The following ACOX2 variants were observed in gnomAD, a reference collection of about 807,000 sequenced individuals.
ACOX2 encodes peroxisomal acyl-coenzyme A oxidase 2.
ACOX2 carries 59 observed loss-of-function variants against 77.5 expected under a neutral mutation model. The ratio of observed to expected loss-of-function variants is 0.76; its 90% CI spans 0.62 to 0.95. ACOX2 has a LOEUF of 0.95. ACOX2 is among the 40% of genes least tolerant of loss of function. ACOX2 has a pLI of 0.00. For synonymous variants in ACOX2, 317 were observed against 340.1 expected (o/e 0.93, Z 0.75); for missense variants, 837 against 880.4 (o/e 0.95, Z 0.62).
intron 12 of ACOX2, among the ~76,000 whole-genome samples, chr3:58,520,170 T>A (rs183367920): frequency 4.6e-5 from 7 of 152,370 alleles, no homozygotes; most frequent in Admixed American, 3.3e-4. Flanking sequence ...AAGTTTTACT[T>A]ATTTAATCTT....
chr3:58,531,602 C>T lies in ACOX2; in HGVS notation c.703+91G>A. The T allele has an allele frequency of 6.5e-7, 1 of 1,541,392 alleles. No individual in the cohort carries two copies. The highest frequency in any genetic ancestry group is 8.8e-7 in the Non-Finnish European group (1 of 1,140,766). ...CCTGCCCAAGGGAGACATGTCTTAG[C>T]TACTCCTGTGGCCCTCTGGGGCCCC... On this transcript the variant is annotated intron_variant, in intron 6 of 14. Transcript: ENST00000302819. This position sits in a 1 kb window ranked among gnomAD's most constrained non-coding sequence, Gnocchi z 5.8.
chr3:58,507,236 C>T (rs535258108), intron 14 of ACOX2, among the ~76,000 whole-genome samples: 22 of 152,250 alleles, frequency 1.4e-4, no homozygotes, highest in Middle Eastern at 3.4e-3. Flanking sequence ...ATTCCATAGA[C>T]GTGGAGTGTC....
intron 13 of ACOX2, among the ~76,000 whole-genome samples, 174 bp downstream of exon 13, chr3:58,517,032 T>G (rs531480672): frequency 5.3e-5 from 8 of 152,346 alleles, no homozygotes; most frequent in Admixed American, 5.2e-4. Flanking sequence ...TCCCATTTTT[T>G]TCTTTCATTA....
chr3:58,536,467 T>A (rs1045621851), intron 1 of ACOX2, among the ~76,000 whole-genome samples: 5 of 152,148 alleles, frequency 3.3e-5, no homozygotes, highest in African/African-American at 1.2e-4. Flanking sequence ...TGCAACCACA[T>A]GTAGCAAATG....
chr3:58,517,309 C>G lies in ACOX2; in HGVS notation c.1747G>C (p.Gly583Arg). The change falls in exon 13 of 15, where the codon GGA becomes CGA. Residue 583 changes from glycine (G) to arginine (R), a missense_variant. Coordinates refer to ENST00000302819, the MANE Select transcript of ACOX2 (RefSeq NM_003500.4). ...KRLCDLHAIH[G>R]ILTNSGDFLH... ...AAGTCACCCGAGTTAGTCAAGATTC[C>G]ATGTATGGCATGGAGGTCACAGAGG... 1 of 1,614,158 alleles carries G rather than the reference C, an allele frequency of 6.2e-7. No individual in the cohort carries two copies. Among genetic ancestry groups the G allele is most frequent in the Non-Finnish European group, 8.5e-7 (1 of 1,180,032 alleles).
At position 58,505,798 on chromosome 3, in the gene ACOX2, C is replaced by T. The variant is rs891133395; in HGVS notation, c.1984-512G>A. Among the ~76,000 whole-genome samples, 2 of 136,524 alleles carry T rather than the reference C, an allele frequency of 1.5e-5. No homozygotes were observed. The highest frequency in any genetic ancestry group is 4.9e-5 in the African/African-American group (2 of 41,000). The allele number at this position is 136,524 out of a possible 152,430, so 89.6% of individuals were successfully genotyped here. A position where few individuals can be genotyped will look rare whatever the true frequency, so the allele number is the denominator to read the frequency against. ...AGCTCCTCGAACACTGGGCTTTTGA[C>T]TGTTTTTTTTTGGAGACAGTATTGC... On this transcript the variant is annotated intron_variant, in intron 14 of 14. Coordinates refer to ENST00000302819, the MANE Select transcript of ACOX2 (RefSeq NM_003500.4). The surrounding 1 kb of genome is among the most constrained non-coding windows in gnomAD (Gnocchi z 4.4).
In ACOX2 at chr3:58,531,160, T is replaced by C; in HGVS notation, c.819+91A>G. ...GGGGAGGAGGTTATGTGGCCCAAAC[T>C]AAGCTCTATGGAGGACCCAGGCCCA... is the stretch of plus-strand genomic sequence containing the variant. On this transcript the variant is annotated intron_variant, in intron 7 of 14. Transcript: ENST00000302819. This position sits in a 1 kb window ranked among gnomAD's most constrained non-coding sequence, Gnocchi z 5.8. 3 of 1,178,300 alleles carry C rather than the reference T, an allele frequency of 2.5e-6. No homozygotes were observed. Among genetic ancestry groups the C allele is most frequent in the Non-Finnish European group, 3.6e-6 (3 of 827,226 alleles). The allele number at this position is 1,178,300 out of a possible 1,614,324, so 73.0% of individuals were successfully genotyped here.
In ACOX2 at chr3:58,510,967, G is replaced by C. The variant is rs1393942634; in HGVS notation, c.1851-1942C>G. 1.3e-5 allele frequency: 6 copies of C among 456,144 alleles called. No homozygotes were observed. The East Asian group carries it at 4.2e-4, about 32-fold the overall frequency. The allele number at this position is 456,144 out of a possible 1,614,324, so 28.3% of individuals were successfully genotyped here. A position where few individuals can be genotyped will look rare whatever the true frequency, so the allele number is the denominator to read the frequency against. ...ATTTACTGTTTCTTTTTCTTAGGCAGTTATTTCTTACCATCTCTTTGATCC... is the reference window on the plus strand; with the variant it reads ...ATTTACTGTTTCTTTTTCTTAGGCACTTATTTCTTACCATCTCTTTGATCC... On this transcript the variant is annotated intron_variant, in intron 13 of 14. Coordinates refer to ENST00000302819, the MANE Select transcript of ACOX2 (RefSeq NM_003500.4).
At position 58,514,949 on chromosome 3, in the gene ACOX2, T is replaced by G. The variant is rs1346804579; in HGVS notation, c.1850+2257A>C. On this transcript the variant is annotated intron_variant, in intron 13 of 14. Coordinates refer to ENST00000302819, the MANE Select transcript of ACOX2 (RefSeq NM_003500.4). The surrounding 1 kb of genome is among the most constrained non-coding windows in gnomAD (Gnocchi z 4.3). Reference sequence around the variant, plus strand: ...GTTTTCACCACTGGATTCCCTGTATTAGGGAAAGTTTTATACCTGGGACAT... The same window carrying G: ...GTTTTCACCACTGGATTCCCTGTATGAGGGAAAGTTTTATACCTGGGACAT... 6.6e-6 allele frequency among the ~76,000 whole-genome samples: 1 copy of G among 152,220 alleles called. No individual in the cohort carries two copies. The highest frequency in any genetic ancestry group is 2.4e-5 in the African/African-American group (1 of 41,448).
At chr3:58,527,621 A>T (rs1051624385) in intron 9 of ACOX2, among the ~76,000 whole-genome samples, 3 of 151,852 alleles carry the variant, frequency 2.0e-5, no homozygotes, top group African/African-American at 7.3e-5. Context: ...CCCTCACCTG[A>T]CACCAAATGC....
At position 58,533,845 on chromosome 3, in the gene ACOX2, A is replaced by G; in HGVS notation, c.475+149T>C. On this transcript the variant is annotated intron_variant, in intron 4 of 14. Transcript: ENST00000302819. The surrounding 1 kb of genome is among the most constrained non-coding windows in gnomAD (Gnocchi z 5.6). ...AATTAGAAGGTGGCACCCCTTCCTC[A>G]GGACCCTTGACTGCCAGCTGCTGGA... 9.3e-7 allele frequency: 1 copy of G among 1,071,080 alleles called. No homozygotes were observed. The highest frequency in any genetic ancestry group is 1.6e-5 in the South Asian group (1 of 61,260). 66.3% of individuals were successfully genotyped at this position (1,071,080 alleles called of 1,614,324 possible). A position where few individuals can be genotyped will look rare whatever the true frequency, so the allele number is the denominator to read the frequency against.
intron 8 of ACOX2, chr3:58,529,192 G>T: frequency 2.7e-6 from 1 of 372,548 alleles, no homozygotes; most frequent in Non-Finnish European, 4.7e-6. Context: ...GTTAAGGGAG[G>T]CTTATAGAAT....
At position 58,517,358 on chromosome 3, in the gene ACOX2, T is replaced by C; in HGVS notation, c.1698A>G (p.Pro566=). The change falls in exon 13 of 15, where the codon CCA becomes CCG. Residue 566 remains proline, a synonymous_variant. Coordinates refer to ENST00000302819, the MANE Select transcript of ACOX2 (RefSeq NM_003500.4). The stretch of plus-strand genomic sequence containing the variant: ...GGCGCTTGAGCACCTGCTGAATCGC[T>C]GGTTCATTTTCTAGTTTCTCCAGAG... The part of the protein sequence containing the change: ...TEALEKLENE[P]AIQQVLKRLC... The C allele has an allele frequency of 6.2e-7, 1 of 1,614,144 alleles. No homozygotes were observed. The highest frequency in any genetic ancestry group is 1.1e-5 in the South Asian group (1 of 91,086).
intron 12 of ACOX2, among the ~76,000 whole-genome samples, chr3:58,517,850 G>GCAGCCA (rs1314774201): frequency 2.6e-5 from 4 of 152,010 alleles, no homozygotes; most frequent in Non-Finnish European, 4.4e-5. Context: ...CAAGGTGGGT[G>GCAGCCA]GATCACCTGA....
Position 58,533,848 on chromosome 3 carries a change from A to T in ACOX2, c.475+146T>A. 1 of 1,098,248 alleles carries T rather than the reference A, an allele frequency of 9.1e-7. No homozygotes were observed. Among genetic ancestry groups the T allele is most frequent in the Non-Finnish European group, 1.3e-6 (1 of 779,104 alleles). The allele number at this position is 1,098,248 out of a possible 1,614,324, so 68.0% of individuals were successfully genotyped here. A position where few individuals can be genotyped will look rare whatever the true frequency, so the allele number is the denominator to read the frequency against. On this transcript the variant is annotated intron_variant, in intron 4 of 14. Transcript: ENST00000302819. The surrounding 1 kb of genome is among the most constrained non-coding windows in gnomAD (Gnocchi z 5.6). ...TAGAAGGTGGCACCCCTTCCTCAGG[A>T]CCCTTGACTGCCAGCTGCTGGAATG...
At chr3:58,517,084 G>T in intron 13 of ACOX2, 122 bp downstream of exon 13, 4 of 954,910 alleles carry the variant, frequency 4.2e-6, no homozygotes, top group Non-Finnish European at 6.4e-6. Flanking sequence ...ATAGGGTGTA[G>T]ACCTCTCCAG....
In ACOX2 at chr3:58,526,990, C is replaced by G. The variant is rs2063400220; in HGVS notation, c.1156-334G>C. Among the ~76,000 whole-genome samples the G allele has an allele frequency of 6.6e-6, 1 of 152,112 alleles. No individual in the cohort carries two copies. The highest frequency in any genetic ancestry group is 2.4e-5 in the African/African-American group (1 of 41,418). ...TTTTGCTGGCCTGGGTTTTAGAAAG[C>G]TAGCTTATGAGGATGGGTGTCCACT... On this transcript the variant is annotated intron_variant, in intron 9 of 14. Coordinates refer to ENST00000302819, the MANE Select transcript of ACOX2 (RefSeq NM_003500.4). The surrounding 1 kb of genome is among the most constrained non-coding windows in gnomAD (Gnocchi z 4.3).
At chr3:58,507,340 A>C (rs1234606084) in intron 14 of ACOX2, among the ~76,000 whole-genome samples, 1 of 152,262 alleles carries the variant, frequency 6.6e-6, no homozygotes, top group Non-Finnish European at 1.5e-5. Flanking sequence ...GATGAAGTGC[A>C]TCAATGTTTT....
At position 58,531,467 on chromosome 3, in the gene ACOX2, G is replaced by A. The variant is rs2063439055; in HGVS notation, c.704-101C>T. 11 of 1,269,334 alleles carry A rather than the reference G, an allele frequency of 8.7e-6. No homozygotes were observed. The highest frequency in any genetic ancestry group is 1.2e-5 in the Non-Finnish European group (11 of 902,214). 78.6% of individuals were successfully genotyped at this position (1,269,334 alleles called of 1,614,324 possible). On this transcript the variant is annotated intron_variant, in intron 6 of 14. Coordinates refer to ENST00000302819, the MANE Select transcript of ACOX2 (RefSeq NM_003500.4). The surrounding 1 kb of genome is among the most constrained non-coding windows in gnomAD (Gnocchi z 5.8). ...CCAGGTCACAGCAGCCTGTGACACTGGGATTATTGTACCTATTTTGCAGGT... is the reference window on the plus strand; with the variant it reads ...CCAGGTCACAGCAGCCTGTGACACTAGGATTATTGTACCTATTTTGCAGGT...
Sources: allele counts gnomAD v4.1 joint callset (sites outside exome capture counted in the v4.1 genomes callset), GRCh38; gene constraint gnomAD v4.1.1; non-coding constraint Gnocchi (gnomAD v3.1); transcripts MANE v1.5; gene names NCBI Gene and HGNC (gene_info 2026-07-23, HGNC 2026-07-21).